Variants in WBP1L observed in about 807,000 individuals in gnomAD.
WBP1L encodes WW domain binding protein 1 like.
A neutral mutation model predicts 33.7 loss-of-function variants in WBP1L; 17 were observed. The ratio of observed to expected loss-of-function variants is 0.50; its 90% CI spans 0.34 to 0.76. WBP1L has a LOEUF of 0.76. Ranked by LOEUF, WBP1L falls within the 30% of genes least tolerant of loss-of-function variation. WBP1L has a pLI of 0.01. For missense variants in WBP1L, 389 were observed against 469.4 expected, an observed-to-expected ratio of 0.83 and a Z score of 1.58; for synonymous variants, 173 against 190.8, an observed-to-expected ratio of 0.91 and a Z score of 0.77.
chr10:102,781,666 T>A (rs1158172173), intron 1 of WBP1L, among the ~76,000 whole-genome samples: 1 of 152,022 alleles, frequency 6.6e-6, no homozygotes, highest in African/African-American at 2.4e-5. Context: ...TTAAGCAAGA[T>A]CTTGCTTGGA....
Position 102,744,149 on chromosome 10 carries a change from G to C in WBP1L, c.90+6G>C, listed in dbSNP as rs1297319424. On this transcript the variant is annotated splice_donor_region_variant and intron_variant, in intron 1 of 3. Transcript: ENST00000448841. ...CCAGGGCTGAACCCCCGCAGGTAAG[G>C]GGGAGGGGGCGTCTGGGCCATGTTG... 3 of 1,548,004 alleles carry C rather than the reference G, an allele frequency of 1.9e-6. No individual in the cohort carries two copies. Among genetic ancestry groups the C allele is most frequent in the Non-Finnish European group, 1.7e-6 (2 of 1,145,268 alleles).
Position 102,782,645 on chromosome 10 carries a change from C to T in WBP1L, c.91-15348C>T, listed in dbSNP as rs1439779874. 3.3e-5 allele frequency among the ~76,000 whole-genome samples: 5 copies of T among 152,122 alleles called. No individual in the cohort carries two copies. The East Asian group carries it at 7.7e-4, about 23-fold the overall frequency. ...GAGAATGGACCTGCCTGAGCCATTT[C>T]TGTGCCCCTCTGTAGCCATTGTTTC... On this transcript the variant is annotated intron_variant, in intron 1 of 3. Coordinates refer to ENST00000448841, the MANE Select transcript of WBP1L (RefSeq NM_001083913.2).
chr10:102,808,839 G>A (rs149952576), intron 2 of WBP1L, among the ~76,000 whole-genome samples: 5 of 151,970 alleles, frequency 3.3e-5, no homozygotes, highest in Non-Finnish European at 7.4e-5. Context: ...CCTTGCAAGT[G>A]CTGATCTTCT....
chr10:102,812,757 G>C lies in WBP1L; in HGVS notation c.518G>C (p.Gly173Ala), dbSNP rs748185090. Reference sequence around the variant, plus strand: ...CCCCCGGGCATCGATCCCACCAGGGGATCCCAGGGGGCACAGAGCAGCCCC... The same window carrying C: ...CCCCCGGGCATCGATCCCACCAGGGCATCCCAGGGGGCACAGAGCAGCCCC... ...GSPPGIDPTR[G>A]SQGAQSSPLS... is the part of the protein sequence containing the mutation. Residue 173 changes from glycine to alanine, a missense_variant, in exon 4 of 4, where the codon GGA becomes GCA. By Grantham distance (60) the Gly-to-Ala change is moderately conservative. Transcript: ENST00000448841. 1 of 1,613,418 alleles carries C rather than the reference G, an allele frequency of 6.2e-7. No homozygotes were observed. Among genetic ancestry groups the C allele is most frequent in the East Asian group, 2.2e-5 (1 of 44,888 alleles).
intron 1 of WBP1L, among the ~76,000 whole-genome samples, chr10:102,746,322 T>C (rs1301851933): frequency 6.6e-6 from 1 of 152,200 alleles, no homozygotes; most frequent in Non-Finnish European, 1.5e-5. Context: ...GGATGAATGC[T>C]ATCACTGACC....
At chr10:102,799,258 G>A (rs1018749061) in intron 2 of WBP1L, among the ~76,000 whole-genome samples, 3 of 152,056 alleles carry the variant, frequency 2.0e-5, no homozygotes, top group African/African-American at 7.2e-5. Flanking sequence ...CCCGGGAGGC[G>A]GAGGTTGCAG....
At chr10:102,785,495 CT>C (rs1163756685) in intron 1 of WBP1L, among the ~76,000 whole-genome samples, 11 of 152,144 alleles carry the variant, frequency 7.2e-5, no homozygotes, top group African/African-American at 2.7e-4. Context: ...CCTCAGCCCA[CT>C]TTTTAAAAGT....
At chr10:102,744,494 A>G (rs1842841056) in intron 1 of WBP1L, 2 of 985,170 alleles carry the variant, frequency 2.0e-6, no homozygotes, top group Non-Finnish European at 2.4e-6. Flanking sequence ...GTAATGCAGT[A>G]TGTACGTCTG....
chr10:102,748,233 G>A (rs1564751648), intron 1 of WBP1L, among the ~76,000 whole-genome samples: 2 of 151,848 alleles, frequency 1.3e-5, no homozygotes, highest in African/African-American at 2.4e-5. Flanking sequence ...TCTCCAGCCT[G>A]GGCAACAGAG....
intron 3 of WBP1L, among the ~76,000 whole-genome samples, chr10:102,811,891 A>C (rs1426299819): frequency 2.6e-5 from 4 of 152,212 alleles, no homozygotes; most frequent in Non-Finnish European, 5.9e-5. Context: ...AAATGTTAGT[A>C]ATGTTATATT....
At chr10:102,779,361 G>A (rs1381311039) in intron 1 of WBP1L, among the ~76,000 whole-genome samples, 8 of 151,102 alleles carry the variant, frequency 5.3e-5, no homozygotes, top group African/African-American at 1.5e-4. Context: ...GCAATGGTGC[G>A]ATCTCAGCTC....
chr10:102,778,253 C>T (rs985952555), intron 1 of WBP1L, among the ~76,000 whole-genome samples: 1 of 152,194 alleles, frequency 6.6e-6, no homozygotes, highest in African/African-American at 2.4e-5. Flanking sequence ...GATACCTTGA[C>T]AGGAGCCAGG....
At chr10:102,757,569 CTTTTTTTTT>C (rs60213859) in intron 1 of WBP1L, among the ~76,000 whole-genome samples, 14 of 88,786 alleles carry the variant, frequency 1.6e-4, no homozygotes, top group African/African-American at 6.0e-4. Flanking sequence ...GTTTCTGAGC[CTTTTTTTTT>C]TTTTTTTTTT....
chr10:102,783,025 A>G (rs1414477030), intron 1 of WBP1L, among the ~76,000 whole-genome samples: 1 of 152,182 alleles, frequency 6.6e-6, no homozygotes, highest in African/African-American at 2.4e-5. Flanking sequence ...TGTGGTTTCC[A>G]TCGAGGGTGT....
At chr10:102,772,205 G>A (rs1414907660) in intron 1 of WBP1L, among the ~76,000 whole-genome samples, 1 of 147,384 alleles carries the variant, frequency 6.8e-6, no homozygotes, top group East Asian at 2.0e-4. Context: ...TGATCCACCC[G>A]CCTCTGCCTC....
At chr10:102,772,338 G>A (rs1208413408) in intron 1 of WBP1L, among the ~76,000 whole-genome samples, 4 of 134,882 alleles carry the variant, frequency 3.0e-5, no homozygotes, top group African/African-American at 1.1e-4. Context: ...TCAGCTCACT[G>A]CAGCCTCCAT....
chr10:102,751,666 A>G (rs1290104565), intron 1 of WBP1L, among the ~76,000 whole-genome samples: 1 of 152,202 alleles, frequency 6.6e-6, no homozygotes, highest in East Asian at 1.9e-4. Flanking sequence ...TAGTGACTAC[A>G]TATTGGAGGA....
rs1350482858 is a variant in WBP1L at position 102,813,180 on chromosome 10, G to A, written c.941G>A (p.Gly314Asp). 2 of 1,613,956 alleles carry A rather than the reference G, an allele frequency of 1.2e-6. No homozygotes were observed. Among genetic ancestry groups the A allele is most frequent in the Non-Finnish European group, 1.7e-6 (2 of 1,180,014 alleles). ...FCDSCHVRPP[G>D]DEEEGLCQSS... ...GACAGCTGCCATGTGCGGCCCCCTG[G>A]TGATGAGGAGGAAGGCCTCTGTCAG... is the stretch of plus-strand genomic sequence containing the variant. The change falls in exon 4 of 4, where the codon GGT becomes GAT. Residue 314 changes from glycine (G) to aspartate (D), a missense_variant. Transcript: ENST00000448841.
chr10:102,791,464 A>G (rs943244140), intron 1 of WBP1L, among the ~76,000 whole-genome samples: 1 of 152,094 alleles, frequency 6.6e-6, no homozygotes, highest in East Asian at 1.9e-4. Context: ...GGGTCAATAC[A>G]TATGTGTTAA....
Sources: allele counts gnomAD v4.1 joint callset (sites outside exome capture counted in the v4.1 genomes callset), GRCh38; gene constraint gnomAD v4.1.1; transcripts MANE v1.5; gene names NCBI Gene and HGNC (gene_info 2026-07-23, HGNC 2026-07-21).